COL8A1: variants seen among roughly 807,000 people sequenced by gnomAD.
The protein encoded by COL8A1 is collagen type VIII alpha 1 chain, also known as collagen alpha-1(VIII) chain.
In COL8A1, 21 loss-of-function variants were observed where a neutral mutation model predicts 42.7. That is an observed-to-expected ratio of 0.49 (90% CI 0.35 to 0.71). COL8A1 has a LOEUF of 0.71. COL8A1 is among the 30% of genes least tolerant of loss of function. The pLI is 0.01. For synonymous variants in COL8A1, 367 were observed against 369.1 expected (o/e 0.99, Z 0.06); for missense variants, 788 against 962.4 (o/e 0.82, Z 2.40).
At chr3:99,682,074 C>T (rs144935863) in intron 1 of COL8A1, among the ~76,000 whole-genome samples, 5 of 152,202 alleles carry the variant, frequency 3.3e-5, no homozygotes, top group African/African-American at 1.2e-4. Flanking sequence ...TCTAGGAAGG[C>T]CTTTTATACA....
At chr3:99,671,214 T>C (rs190130427) in intron 1 of COL8A1, among the ~76,000 whole-genome samples, 139 of 152,184 alleles carry the variant, frequency 9.1e-4, no homozygotes, top group African/African-American at 3.2e-3. Flanking sequence ...TTTATGTGAT[T>C]TCAAAACATT....
At chr3:99,773,815 GTATATATA>G (rs1553682062) in intron 2 of COL8A1, among the ~76,000 whole-genome samples, 1 of 35,900 alleles carries the variant, frequency 2.8e-5, no homozygotes, top group Non-Finnish European at 5.0e-5. Context: ...ATATATGTGT[GTATATATA>G]TATATATATA....
intron 1 of COL8A1, among the ~76,000 whole-genome samples, chr3:99,669,192 G>T (rs1427270364): frequency 6.8e-6 from 1 of 147,784 alleles, no homozygotes; most frequent in Non-Finnish European, 1.5e-5. Context: ...GGGACAAAGG[G>T]ATAATTGGGG....
intron 1 of COL8A1, among the ~76,000 whole-genome samples, chr3:99,646,396 C>T (rs1937641000): frequency 6.6e-6 from 1 of 152,174 alleles, no homozygotes; most frequent in Non-Finnish European, 1.5e-5. Context: ...ATTTCAAAAA[C>T]ACCTTGACTC....
intron 1 of COL8A1, among the ~76,000 whole-genome samples, chr3:99,640,770 T>C (rs1029533801): frequency 3.9e-5 from 6 of 152,184 alleles, no homozygotes; most frequent in African/African-American, 1.4e-4. Context: ...CTTAAGCTTT[T>C]AGAAAAATCA....
chr3:99,688,919 T>C (rs752287554), intron 1 of COL8A1, among the ~76,000 whole-genome samples: 9 of 152,130 alleles, frequency 5.9e-5, no homozygotes, highest in Non-Finnish European at 8.8e-5. Flanking sequence ...CCTGGACTTT[T>C]ACTAGATGCC....
At chr3:99,663,077 T>C (rs35952376) in intron 1 of COL8A1, among the ~76,000 whole-genome samples, 14,494 of 152,262 alleles carry the variant, frequency 0.095, 857 homozygotes, top group Middle Eastern at 0.12. Context: ...GAGGAATGCT[T>C]ATAGAGAATG....
intron 1 of COL8A1, among the ~76,000 whole-genome samples, chr3:99,720,753 A>G (rs967641473): frequency 6.6e-6 from 1 of 152,160 alleles, no homozygotes; most frequent in Non-Finnish European, 1.5e-5. Context: ...AGAAAATGGA[A>G]GAACTGTCAT....
intron 1 of COL8A1, among the ~76,000 whole-genome samples, chr3:99,707,849 T>C (rs1239562584): frequency 6.6e-6 from 1 of 152,204 alleles, no homozygotes; most frequent in Non-Finnish European, 1.5e-5. Flanking sequence ...CTAAGAGCCT[T>C]ACATTTCATT....
chr3:99,790,640 G>T, intron 2 of COL8A1, 40 bp from the exon 3 acceptor site: 1 of 1,561,946 alleles, frequency 6.4e-7, no homozygotes, highest in Non-Finnish European at 8.8e-7. Context: ...ACTTGGCCTT[G>T]CAGAGTTTCA....
chr3:99,790,559 A>G (rs1372737055), intron 2 of COL8A1, 121 bp from the exon 3 acceptor site: 31 of 734,228 alleles, frequency 4.2e-5, no homozygotes, highest in South Asian at 7.7e-5. Context: ...TTTGACTTCT[A>G]TCATGAAGTT....
chr3:99,779,544 A>G (rs1283702227), intron 2 of COL8A1, among the ~76,000 whole-genome samples: 1 of 152,220 alleles, frequency 6.6e-6, no homozygotes, highest in Non-Finnish European at 1.5e-5. Flanking sequence ...AATACAAAGA[A>G]GGCTCCTCAG....
intron 1 of COL8A1, among the ~76,000 whole-genome samples, chr3:99,684,096 C>T (rs1336833136): frequency 6.6e-6 from 1 of 152,066 alleles, no homozygotes; most frequent in African/African-American, 2.4e-5. Flanking sequence ...GTCTGAAATC[C>T]CATGATGTTC....
rs370503066 is a variant in COL8A1, at chr3:99,671,870, T to A, written c.-129+33206T>A. On this transcript the variant is annotated intron_variant, in intron 1 of 3. Transcript: ENST00000652472. ...GTATGTCAAGATATCTGCACCCCCA[T>A]GTTCATTACAGAATAACTCAAACTA... 3.9e-5 allele frequency among the ~76,000 whole-genome samples: 6 copies of A among 152,008 alleles called. No homozygotes were observed. In the East Asian group the frequency reaches 7.7e-4, roughly 20 times the overall value.
Position 99,690,146 on chromosome 3 carries a change from C to T in COL8A1, c.-129+51482C>T, listed in dbSNP as rs565171080. ...GTTAGTTCTACAGGATCTTAATAGG[C>T]ATTACATGAGGAAGAGTGGGTGGAG... is the stretch of plus-strand genomic sequence containing the variant. On this transcript the variant is annotated intron_variant, in intron 1 of 3. Coordinates refer to ENST00000652472, the MANE Select transcript of COL8A1 (RefSeq NM_020351.4). 8.4e-4 allele frequency among the ~76,000 whole-genome samples: 128 copies of T among 152,208 alleles called. 2 individuals are homozygous for T. Among genetic ancestry groups the T allele is most frequent in the African/African-American group, 2.8e-3 (118 of 41,536 alleles).
intron 1 of COL8A1, among the ~76,000 whole-genome samples, chr3:99,674,497 G>A (rs1284704766): frequency 1.3e-5 from 2 of 150,890 alleles, no homozygotes; most frequent in Non-Finnish European, 2.9e-5. Context: ...GCAATACCCT[G>A]CCACTGGCTC....
chr3:99,754,116 G>GA (rs1236552989), intron 2 of COL8A1, among the ~76,000 whole-genome samples: 2 of 152,098 alleles, frequency 1.3e-5, no homozygotes, highest in African/African-American at 2.4e-5. Context: ...CCTTCCAAAT[G>GA]AAATCAGCTT....
rs149553837 is a variant in COL8A1, at chr3:99,748,290, A to G, written c.-4+3269A>G. ...AGCTGCACTGTTCAATATGATAGCC[A>G]CTAACCACATTCTGGTACTGAGCAT... On this transcript the variant is annotated intron_variant, in intron 2 of 3. Transcript: ENST00000652472. Among the ~76,000 whole-genome samples, 734 of 152,292 alleles carry G rather than the reference A, an allele frequency of 4.8e-3. 7 individuals carry two copies. The highest frequency in any genetic ancestry group is 0.017 in the African/African-American group (715 of 41,554).
intron 2 of COL8A1, among the ~76,000 whole-genome samples, chr3:99,774,408 TTA>T (rs1941651918): frequency 6.6e-6 from 1 of 152,088 alleles, no homozygotes; most frequent in African/African-American, 2.4e-5. Flanking sequence ...CAAAAGCTAT[TTA>T]TGTTTGCTAC....
Sources: gnomAD v4.1 joint callset for allele counts (sites outside exome capture counted in the v4.1 genomes callset) on GRCh38, gnomAD v4.1.1 for gene constraint, MANE v1.5 for transcripts, NCBI Gene and HGNC (gene_info 2026-07-23, HGNC 2026-07-21) for gene names.